The following HS2ST1 variants were observed in gnomAD, a reference collection of about 807,000 sequenced individuals.
HS2ST1 encodes the protein 2-O-sulfotransferase.
In HS2ST1, 18 loss-of-function variants were observed where a neutral mutation model predicts 42.9. The observed-to-expected ratio is 0.42, with a 90% CI of 0.29 to 0.62. The LOEUF is 0.62. Among genes scored for constraint, HS2ST1 ranks in the 20% least tolerant of loss-of-function variants. The pLI, the probability that HS2ST1 is intolerant of heterozygous loss-of-function variation, is 0.21. For missense variants in HS2ST1, 334 were observed against 433.8 expected (o/e 0.77, Z 2.04); for synonymous variants, 146 against 152.9 (o/e 0.95, Z 0.33).
At chr1:87,023,307 A>T (rs1649998775) in intron 1 of HS2ST1, among the ~76,000 whole-genome samples, 1 of 152,150 alleles carries the variant, frequency 6.6e-6, no homozygotes, top group Non-Finnish European at 1.5e-5. Flanking sequence ...TCATTGCAGC[A>T]GTTTTTTTTG....
chr1:87,013,981 T>C (rs1170394953), intron 1 of HS2ST1, among the ~76,000 whole-genome samples: 1 of 152,152 alleles, frequency 6.6e-6, no homozygotes, highest in Non-Finnish European at 1.5e-5. Flanking sequence ...TGAGCAGCAT[T>C]TGAACAAAGC....
intron 1 of HS2ST1, among the ~76,000 whole-genome samples, chr1:86,999,965 C>T (rs1649233121): frequency 6.6e-6 from 1 of 151,840 alleles, no homozygotes; most frequent in Non-Finnish European, 1.5e-5. Context: ...ATTAGTTATG[C>T]CAAAAAAAGG....
chr1:86,965,385 G>A (rs1296760226), intron 1 of HS2ST1, among the ~76,000 whole-genome samples: 1 of 152,092 alleles, frequency 6.6e-6, no homozygotes, highest in Non-Finnish European at 1.5e-5. Context: ...AGGGACTAAG[G>A]TACTAGGGCA....
intron 1 of HS2ST1, among the ~76,000 whole-genome samples, chr1:86,954,039 TTAAAAA>T (rs1417298861): frequency 8.3e-6 from 1 of 121,064 alleles, no homozygotes; most frequent in African/African-American, 3.7e-5. Flanking sequence ...ACTGTTTTTT[TTAAAAA>T]AAAAAAAAAA....
chr1:87,009,346 A>G (rs927510436), intron 1 of HS2ST1, among the ~76,000 whole-genome samples: 3 of 152,186 alleles, frequency 2.0e-5, no homozygotes, highest in South Asian at 2.1e-4. Context: ...ATTAAATGCA[A>G]TCTCAGACAT....
chr1:87,080,970 C>T (rs532171142), intron 2 of HS2ST1, among the ~76,000 whole-genome samples: 94 of 152,178 alleles, frequency 6.2e-4, no homozygotes, highest in Non-Finnish European at 1.2e-3. Flanking sequence ...GCTTGGGGGT[C>T]CTAAATAATG....
intron 5 of HS2ST1, among the ~76,000 whole-genome samples, chr1:87,101,149 GT>G (rs1177785858): frequency 3.9e-4 from 23 of 59,564 alleles, no homozygotes; most frequent in African/African-American, 1.4e-3. Context: ...GTGTGTGTGT[GT>G]TTTTTGTTTT....
In HS2ST1 at chr1:87,073,003, A is replaced by G. The variant is rs1377400453; in HGVS notation, c.194A>G (p.Asp65Gly). 4 of 1,614,020 alleles carry G rather than the reference A, an allele frequency of 2.5e-6. No homozygotes were observed. The highest frequency in any genetic ancestry group is 3.4e-6 in the Non-Finnish European group (4 of 1,180,018). ...CATACAATGGATGGCCCTCGGCAAG[A>G]TGCCACTTTAGATGAGGAAGAGGAC... ...QRHTMDGPRQDATLDEEEDMV... is the reference protein window; with the variant it reads ...QRHTMDGPRQGATLDEEEDMV... Residue 65 changes from aspartate to glycine, a missense_variant, in exon 2 of 7, where the codon GAT becomes GGT. Physicochemically the swap from Asp to Gly is moderately conservative, Grantham distance 94. Transcript: ENST00000370550.
At chr1:87,063,357 G>A (rs918395801) in intron 1 of HS2ST1, among the ~76,000 whole-genome samples, 1 of 151,954 alleles carries the variant, frequency 6.6e-6, no homozygotes, top group Non-Finnish European at 1.5e-5. Flanking sequence ...TCTTTTTTGA[G>A]ACAAAGTCTC....
chr1:86,956,251 A>G lies in HS2ST1; in HGVS notation c.124+41091A>G, dbSNP rs75386867. On this transcript the variant is annotated intron_variant, in intron 1 of 6. Coordinates refer to ENST00000370550, the MANE Select transcript of HS2ST1 (RefSeq NM_012262.4). ...GTGATAATATTGACTCCTTTTCTGAAAATTCCAGATTAAAAAAAGATTTCC... is the reference window on the plus strand; with the variant it reads ...GTGATAATATTGACTCCTTTTCTGAGAATTCCAGATTAAAAAAAGATTTCC... Among the ~76,000 whole-genome samples, 449 of 152,340 alleles carry G rather than the reference A, an allele frequency of 2.9e-3. 18 individuals are homozygous for G. In the East Asian group the frequency reaches 0.063, roughly 21 times the overall value.
At chr1:86,929,072 A>G (rs1047504210) in intron 1 of HS2ST1, among the ~76,000 whole-genome samples, 4 of 151,882 alleles carry the variant, frequency 2.6e-5, no homozygotes, top group Admixed American at 1.3e-4. Flanking sequence ...TAAGTGTTTT[A>G]TGTGTATAGT....
rs565791733 is a variant in HS2ST1 at position 86,975,715 on chromosome 1, T to C, written c.124+60555T>C. ...TGTTTATTTTATACCTTTTACCAAA[T>C]GCTATGATATGCTTTTAAATGTAAC... On this transcript the variant is annotated intron_variant, in intron 1 of 6. Coordinates refer to ENST00000370550, the MANE Select transcript of HS2ST1 (RefSeq NM_012262.4). 2.0e-5 allele frequency among the ~76,000 whole-genome samples: 3 copies of C among 152,350 alleles called. No homozygotes were observed. In the South Asian group the frequency reaches 6.2e-4, roughly 32 times the overall value.
chr1:87,050,765 CATG>C (rs1650810263), intron 1 of HS2ST1, among the ~76,000 whole-genome samples: 2 of 152,094 alleles, frequency 1.3e-5, no homozygotes, highest in African/African-American at 4.8e-5. Flanking sequence ...GGTCAGAAAT[CATG>C]GTCCTGCCCT....
At chr1:87,073,879 G>C (rs1199104767) in intron 2 of HS2ST1, among the ~76,000 whole-genome samples, 1 of 152,128 alleles carries the variant, frequency 6.6e-6, no homozygotes, top group Non-Finnish European at 1.5e-5. Context: ...CCCATGAGAA[G>C]GAAAGATAAT....
intron 1 of HS2ST1, among the ~76,000 whole-genome samples, chr1:86,988,197 A>G (rs1419319840): frequency 1.3e-5 from 2 of 152,204 alleles, no homozygotes; most frequent in Non-Finnish European, 2.9e-5. Flanking sequence ...TCAAACAAGG[A>G]AAGATGTAGC....
intron 1 of HS2ST1, among the ~76,000 whole-genome samples, chr1:86,968,017 G>T (rs763570566): frequency 6.6e-6 from 1 of 152,122 alleles, no homozygotes; most frequent in Non-Finnish European, 1.5e-5. Context: ...ATCTCATTGC[G>T]GTGTTAATTT....
At chr1:87,092,457 A>G in intron 3 of HS2ST1, 74 bp from the exon 4 acceptor site, 1 of 1,004,452 alleles carries the variant, frequency 1.0e-6, no homozygotes, top group Non-Finnish European at 1.4e-6. Context: ...TTCAGACTTA[A>G]ACATGTAATT....
chr1:87,011,649 T>A (rs1649600658), intron 1 of HS2ST1, among the ~76,000 whole-genome samples: 6 of 152,224 alleles, frequency 3.9e-5, no homozygotes, highest in Admixed American at 3.9e-4. Flanking sequence ...GGGCATTGTA[T>A]ATTGTTATTT....
At chr1:86,960,885 T>C (rs1647821014) in intron 1 of HS2ST1, among the ~76,000 whole-genome samples, 1 of 152,154 alleles carries the variant, frequency 6.6e-6, no homozygotes, top group Non-Finnish European at 1.5e-5. Context: ...AAACATATTC[T>C]TACCATATGA....
Sources: gnomAD v4.1 joint callset for allele counts (sites outside exome capture counted in the v4.1 genomes callset) on GRCh38, gnomAD v4.1.1 for gene constraint, MANE v1.5 for transcripts, NCBI Gene and HGNC (gene_info 2026-07-23, HGNC 2026-07-21) for gene names.